Variants in ADAM18 observed in about 807,000 individuals in gnomAD.
The protein encoded by ADAM18 is disintegrin and metalloproteinase domain-containing protein 18.
Under a neutral mutation model 94.4 loss-of-function variants are expected in ADAM18, and 117 were observed. The observed-to-expected ratio is 1.24, with a 90% confidence interval of 1.07 to 1.45. The LOEUF (loss-of-function observed/expected upper bound fraction) is 1.45. Ranked by LOEUF, ADAM18 falls within the 40% of genes most tolerant of loss-of-function variation. The probability of loss-of-function intolerance (pLI) is 0.00; values close to 1 mark genes in which losing one functional copy is unlikely to be tolerated. For missense variants in ADAM18, 936 were observed against 880.0 expected (o/e 1.06, Z -0.81); for synonymous variants, 327 against 291.6 (o/e 1.12, Z -1.24).
At chr8:39,618,266 C>T (rs959609809) in intron 6 of ADAM18, among the ~76,000 whole-genome samples, 2 of 152,142 alleles carry the variant, frequency 1.3e-5, no homozygotes, top group Admixed American at 6.5e-5. Flanking sequence ...GGGTCACCGC[C>T]TTCTGGTCCT....
intron 18 of ADAM18, among the ~76,000 whole-genome samples, chr8:39,718,202 A>T (rs1212682210): frequency 6.6e-6 from 1 of 151,578 alleles, no homozygotes; most frequent in Non-Finnish European, 1.5e-5. Flanking sequence ...TGATCCAGCC[A>T]TCCCACCAAT....
At chr8:39,727,958 A>T (rs1822965118) in intron 19 of ADAM18, among the ~76,000 whole-genome samples, 1 of 152,222 alleles carries the variant, frequency 6.6e-6, no homozygotes, top group South Asian at 2.1e-4. Context: ...CTTTACAGGA[A>T]GCATGGTGCT....
Position 39,706,788 on chromosome 8 carries a change from A to G in ADAM18, c.1903-2A>G, listed in dbSNP as rs766296969. 3.2e-6 allele frequency: 5 copies of G among 1,550,650 alleles called. No individual in the cohort carries two copies. The highest frequency in any genetic ancestry group is 1.7e-5 in the Admixed American group (1 of 59,480). On this transcript the variant is annotated splice_acceptor_variant, in intron 17 of 19. Transcript: ENST00000265707. LOFTEE classifies it high-confidence loss of function. ...AACTGTTTCTGTATTTTTCTGTTTC[A>G]GATATGTAATAATTTTGGTAATTGT...
chr8:39,620,357 C>CAAAAA (rs61555393), intron 6 of ADAM18, among the ~76,000 whole-genome samples: 3 of 90,568 alleles, frequency 3.3e-5, no homozygotes, highest in East Asian at 4.7e-4. Flanking sequence ...GCAACAAAAG[C>CAAAAA]AAAAAAAAAA....
intron 6 of ADAM18, among the ~76,000 whole-genome samples, chr8:39,618,572 G>A (rs113128778): frequency 0.035 from 5,371 of 152,162 alleles, 240 homozygotes; most frequent in African/African-American, 0.11. Context: ...GCAAAAGCTG[G>A]TTACAAACAA....
chr8:39,682,907 A>G (rs138348725), intron 16 of ADAM18, among the ~76,000 whole-genome samples: 2 of 152,316 alleles, frequency 1.3e-5, no homozygotes, highest in African/African-American at 4.8e-5. Flanking sequence ...AAGATATGTA[A>G]CATTAGAAGA....
At chr8:39,725,561 A>G (rs866480885) in intron 19 of ADAM18, among the ~76,000 whole-genome samples, 2 of 152,150 alleles carry the variant, frequency 1.3e-5, no homozygotes, top group African/African-American at 4.8e-5. Flanking sequence ...ATTATTTTTG[A>G]GTCCACATAT....
At chr8:39,705,949 G>C (rs905226290) in intron 17 of ADAM18, among the ~76,000 whole-genome samples, 1 of 152,086 alleles carries the variant, frequency 6.6e-6, no homozygotes, top group East Asian at 1.9e-4. Flanking sequence ...ATGTGTGTTT[G>C]TGGATGTGAG....
chr8:39,585,674 A>T (rs1233045319), intron 2 of ADAM18, among the ~76,000 whole-genome samples: 1 of 152,216 alleles, frequency 6.6e-6, no homozygotes, highest in African/African-American at 2.4e-5. Context: ...CAAATTTTTT[A>T]TTGTCCAGTA....
At chr8:39,713,687 A>T (rs1363554748) in intron 18 of ADAM18, among the ~76,000 whole-genome samples, 10 of 152,236 alleles carry the variant, frequency 6.6e-5, no homozygotes, top group Non-Finnish European at 1.3e-4. Flanking sequence ...AACACATGAA[A>T]AAATGCTCAT....
chr8:39,678,165 G>A (rs1272556683), intron 15 of ADAM18, among the ~76,000 whole-genome samples: 1 of 152,106 alleles, frequency 6.6e-6, no homozygotes, highest in Non-Finnish European at 1.5e-5. Context: ...CACAAAATAA[G>A]AGAAAGGGAA....
intron 15 of ADAM18, among the ~76,000 whole-genome samples, chr8:39,679,594 A>T (rs1821387409): frequency 6.6e-6 from 1 of 152,202 alleles, no homozygotes; most frequent in African/African-American, 2.4e-5. Context: ...TATACTGCAG[A>T]AATGTACTTT....
At chr8:39,721,470 G>A (rs1822745304) in intron 18 of ADAM18, among the ~76,000 whole-genome samples, 1 of 151,362 alleles carries the variant, frequency 6.6e-6, no homozygotes, top group Non-Finnish European at 1.5e-5. Flanking sequence ...AACAAAGTAA[G>A]TGGACAACCT....
intron 17 of ADAM18, among the ~76,000 whole-genome samples, chr8:39,696,182 A>G (rs1304954557): frequency 3.3e-5 from 5 of 151,472 alleles, no homozygotes; most frequent in Admixed American, 1.3e-4. Context: ...TTGGCAATCC[A>G]TATACCTTTA....
chr8:39,730,049 G>A lies in ADAM18; in HGVS notation c.*109G>A. 1.8e-6 allele frequency: 2 copies of A among 1,098,778 alleles called. No individual in the cohort carries two copies. The highest frequency in any genetic ancestry group is 2.7e-6 in the Non-Finnish European group (2 of 728,558). The allele number at this position is 1,098,778 out of a possible 1,614,324, so 68.1% of individuals were successfully genotyped here. A position where few individuals can be genotyped will look rare whatever the true frequency, so the allele number is the denominator to read the frequency against. ...AAATGTCAAACTTTTGGAAAATAAA[G>A]CCTGCGTGCCCTCCCATGTGCCTCC... On this transcript the variant is annotated 3_prime_UTR_variant, in exon 20 of 20. Transcript: ENST00000265707.
At chr8:39,681,837 A>G (rs1418341861) in intron 16 of ADAM18, among the ~76,000 whole-genome samples, 1 of 152,222 alleles carries the variant, frequency 6.6e-6, no homozygotes, top group Non-Finnish European at 1.5e-5. Flanking sequence ...AGTACGTGGA[A>G]AGTAGAATGT....
rs1053451044 is a variant in ADAM18 at position 39,677,518 on chromosome 8, C to T, written c.1613C>T (p.Pro538Leu). 4 of 1,604,612 alleles carry T rather than the reference C, an allele frequency of 2.5e-6. No individual in the cohort carries two copies. Among genetic ancestry groups the T allele is most frequent in the Non-Finnish European group, 3.4e-6 (4 of 1,176,728 alleles). The stretch of plus-strand genomic sequence containing the variant: ...AACTGTGGTTTTAAAAATTCACAAC[C>T]ATTACCTTGTGAACGGAAGTACGTA... ...SENCGFKNSQ[P>L]LPCERKDVLC... Residue 538 changes from proline to leucine, a missense_variant, in exon 15 of 20, where the codon CCA (proline) becomes CTA (leucine). Pro to Leu is a moderately conservative substitution (Grantham distance 98). Transcript: ENST00000265707.
intron 16 of ADAM18, among the ~76,000 whole-genome samples, chr8:39,683,012 G>A (rs1255780617): frequency 2.0e-5 from 3 of 152,134 alleles, no homozygotes; most frequent in African/African-American, 4.8e-5. Context: ...AACCAAGTGA[G>A]GGATGGACAT....
chr8:39,594,589 A>G (rs1415730196), intron 2 of ADAM18, among the ~76,000 whole-genome samples: 2 of 151,910 alleles, frequency 1.3e-5, no homozygotes, highest in African/African-American at 2.4e-5. Flanking sequence ...GTGGATTTTC[A>G]TAGAATTCTA....
Sources: gnomAD v4.1 joint callset for allele counts (sites outside exome capture counted in the v4.1 genomes callset) on GRCh38, gnomAD v4.1.1 for gene constraint, MANE v1.5 for transcripts, NCBI Gene and HGNC (gene_info 2026-07-23, HGNC 2026-07-21) for gene names.